The following FGF12 variants were observed in gnomAD, a reference collection of about 807,000 sequenced individuals.
The protein encoded by FGF12 is fibroblast growth factor 12, also known as fibroblast growth factor 12B.
In FGF12, 14 loss-of-function variants were observed where a neutral mutation model predicts 23.6. The observed-to-expected ratio is 0.59, with a 90% CI of 0.39 to 0.93. The LOEUF (loss-of-function observed/expected upper bound fraction) is 0.93, where lower values mean the gene tolerates loss of function less well. FGF12 is among the 40% of genes least tolerant of loss of function. The pLI, the probability that FGF12 is intolerant of heterozygous loss-of-function variation, is 0.00. For missense variants in FGF12, 175 were observed against 217.8 expected, an observed-to-expected ratio of 0.80 and a Z score of 1.24; for synonymous variants, 62 against 77.3, an observed-to-expected ratio of 0.80 and a Z score of 1.04.
chr3:192,700,972 T>C (rs1233193120), intron 2 of FGF12, among the ~76,000 whole-genome samples: 1 of 152,230 alleles, frequency 6.6e-6, no homozygotes, highest in Non-Finnish European at 1.5e-5. Flanking sequence ...TAAGGAAATC[T>C]ACATTATGTA....
At chr3:192,676,285 C>T (rs1304130149) in intron 2 of FGF12, among the ~76,000 whole-genome samples, 1 of 152,138 alleles carries the variant, frequency 6.6e-6, no homozygotes, top group Non-Finnish European at 1.5e-5. Flanking sequence ...CTAGACAGAA[C>T]AGGAGAACTT....
chr3:192,349,724 A>G (rs951994520), intron 3 of FGF12, among the ~76,000 whole-genome samples: 2 of 152,102 alleles, frequency 1.3e-5, no homozygotes, highest in African/African-American at 4.8e-5. Context: ...TCAAAATGGA[A>G]ATAATTTCCT....
chr3:192,175,701 A>C (rs2108626434), intron 4 of FGF12, among the ~76,000 whole-genome samples: 1 of 152,244 alleles, frequency 6.6e-6, no homozygotes, highest in South Asian at 2.1e-4. Flanking sequence ...AAAAGTTAAA[A>C]TCTCCAACTC....
At chr3:192,270,560 A>G (rs552388606) in intron 4 of FGF12, among the ~76,000 whole-genome samples, 1 of 152,260 alleles carries the variant, frequency 6.6e-6, no homozygotes, top group South Asian at 2.1e-4. Context: ...GGAGCTGACA[A>G]ACTAATTCTG....
At chr3:192,678,538 C>T (rs1328159431) in intron 2 of FGF12, among the ~76,000 whole-genome samples, 3 of 152,282 alleles carry the variant, frequency 2.0e-5, no homozygotes, top group Non-Finnish European at 2.9e-5. Flanking sequence ...TTTCTCCCTC[C>T]ACTCAACTTT....
intron 4 of FGF12, among the ~76,000 whole-genome samples, chr3:192,176,922 C>T (rs904674879): frequency 2.6e-5 from 4 of 152,180 alleles, no homozygotes; most frequent in Non-Finnish European, 5.9e-5. Flanking sequence ...TTCTATTCCA[C>T]ACCGTTATAT....
chr3:192,525,041 CT>C (rs1036248091), intron 2 of FGF12, among the ~76,000 whole-genome samples: 7 of 152,078 alleles, frequency 4.6e-5, no homozygotes, highest in African/African-American at 1.7e-4. Context: ...TCATTTTTCT[CT>C]CGGTTTTCCT....
intron 2 of FGF12, among the ~76,000 whole-genome samples, chr3:192,574,787 C>T (rs529144759): frequency 3.3e-5 from 5 of 152,318 alleles, no homozygotes; most frequent in African/African-American, 7.2e-5. Context: ...AGTGACTCCT[C>T]CAGCCCAGTC....
At position 192,140,408 on chromosome 3, in the gene FGF12, TG is replaced by T. The variant is rs1290066411; in HGVS notation, c.*3600del. On this transcript the variant is annotated 3_prime_UTR_variant, in exon 6 of 6. Coordinates refer to ENST00000445105, the MANE Select transcript of FGF12 (RefSeq NM_004113.6). The stretch of plus-strand genomic sequence containing the variant: ...GAAAACCTTCTCAAGAGCAAGGCCT[TG>T]TAGACTAAGGTATGAGGGTGAAATC... 1 of 152,056 alleles carries T rather than the reference TG, an allele frequency of 6.6e-6. No individual in the cohort carries two copies. Among genetic ancestry groups the T allele is most frequent in the African/African-American group, 2.4e-5 (1 of 41,454 alleles). 9.4% of individuals were successfully genotyped at this position (152,056 alleles called of 1,614,324 possible).
At chr3:192,615,637 TAATCACAGAA>T (rs1447598690) in intron 2 of FGF12, among the ~76,000 whole-genome samples, 1 of 152,092 alleles carries the variant, frequency 6.6e-6, no homozygotes, top group Admixed American at 6.6e-5. Flanking sequence ...TATAAGGAAA[TAATCACAGAA>T]GTGCTCAAAA....
intron 2 of FGF12, among the ~76,000 whole-genome samples, chr3:192,448,532 A>C (rs1393562808): frequency 6.6e-6 from 1 of 152,176 alleles, no homozygotes; most frequent in Non-Finnish European, 1.5e-5. Context: ...GTCCAAAGCA[A>C]ATATGCATTT....
chr3:192,221,042 T>A (rs759060053), intron 4 of FGF12, among the ~76,000 whole-genome samples: 1 of 152,176 alleles, frequency 6.6e-6, no homozygotes, highest in Non-Finnish European at 1.5e-5. Context: ...CATGAGAGGA[T>A]GGTTTAAAGG....
intron 2 of FGF12, among the ~76,000 whole-genome samples, chr3:192,465,264 A>G (rs1443066146): frequency 1.3e-5 from 2 of 152,252 alleles, no homozygotes; most frequent in Non-Finnish European, 2.9e-5. Flanking sequence ...TCAAAGAAAT[A>G]GCCTGGCAAC....
At chr3:192,277,459 G>C (rs1713861280) in intron 4 of FGF12, among the ~76,000 whole-genome samples, 1 of 152,264 alleles carries the variant, frequency 6.6e-6, no homozygotes, top group East Asian at 1.9e-4. Context: ...GTTTTCAAGG[G>C]AAACCAAAGA....
intron 3 of FGF12, among the ~76,000 whole-genome samples, chr3:192,346,188 T>G (rs1717950812): frequency 6.6e-6 from 1 of 152,196 alleles, no homozygotes; most frequent in African/African-American, 2.4e-5. Flanking sequence ...CTCAATAACT[T>G]TCATTGGTTC....
intron 2 of FGF12, among the ~76,000 whole-genome samples, chr3:192,647,726 CATAT>C (rs1217211138): frequency 2.1e-5 from 3 of 144,854 alleles, no homozygotes; most frequent in Non-Finnish European, 4.5e-5. Context: ...TATATATACA[CATAT>C]ATACATACAT....
At chr3:192,215,664 C>T (rs150808996) in intron 4 of FGF12, among the ~76,000 whole-genome samples, 2 of 152,294 alleles carry the variant, frequency 1.3e-5, no homozygotes, top group Non-Finnish European at 2.9e-5. Context: ...CTCATTGTCT[C>T]TCCAAATAGC....
chr3:192,318,010 A>C (rs1716320197), intron 4 of FGF12, among the ~76,000 whole-genome samples: 1 of 152,228 alleles, frequency 6.6e-6, no homozygotes, highest in Non-Finnish European at 1.5e-5. Flanking sequence ...GTGAGTCTAC[A>C]AGACCCACAA....
chr3:192,612,904 T>C (rs1202354402), intron 2 of FGF12, among the ~76,000 whole-genome samples: 8 of 151,860 alleles, frequency 5.3e-5, no homozygotes, highest in African/African-American at 1.9e-4. Flanking sequence ...TTGGCATAAC[T>C]CTTCTGAGTT....
Sources: gnomAD v4.1 joint callset for allele counts (sites outside exome capture counted in the v4.1 genomes callset) on GRCh38, gnomAD v4.1.1 for gene constraint, MANE v1.5 for transcripts, NCBI Gene and HGNC (gene_info 2026-07-23, HGNC 2026-07-21) for gene names.